The following DLEU7 variants were observed in gnomAD, a reference collection of about 807,000 sequenced individuals.
The protein encoded by DLEU7 is leukemia-associated protein 7.
Under a neutral mutation model 16.0 loss-of-function variants are expected in DLEU7, and 17 were observed. The ratio of observed to expected loss-of-function variants is 1.06; its 90% confidence interval spans 0.73 to 1.59. The LOEUF (loss-of-function observed/expected upper bound fraction) is 1.59, where lower values mean the gene tolerates loss of function less well. DLEU7 is among the 40% of genes most tolerant of loss of function. The probability of loss-of-function intolerance (pLI) is 0.00; values close to 1 mark genes in which losing one functional copy is unlikely to be tolerated. For synonymous variants in DLEU7, 113 were observed against 139.8 expected (o/e 0.81, Z 1.35); for missense variants, 308 against 314.9 (o/e 0.98, Z 0.17).
At chr13:50,739,230 T>G (rs1040885736) in intron 1 of DLEU7, among the ~76,000 whole-genome samples, 2 of 152,272 alleles carry the variant, frequency 1.3e-5, no homozygotes, top group Middle Eastern at 3.4e-3. Flanking sequence ...TTGCTTCCCT[T>G]TTTTTCTTCT....
downstream of DLEU7, among the ~76,000 whole-genome samples, chr13:50,821,732 TA>T (rs35508524): frequency 6.7e-6 from 1 of 150,290 alleles, no homozygotes; most frequent in Non-Finnish European, 1.5e-5. Flanking sequence ...TTGGGTAAGG[TA>T]AAAAAAAACA....
chr13:50,801,161 G>T (rs956489775), intron 1 of DLEU7, among the ~76,000 whole-genome samples: 2 of 152,100 alleles, frequency 1.3e-5, no homozygotes, highest in African/African-American at 4.8e-5. Flanking sequence ...AACTCGCTTA[G>T]CTAATAAAGA....
intron 1 of DLEU7, among the ~76,000 whole-genome samples, chr13:50,841,829 G>A (rs141234528): frequency 2.0e-3 from 310 of 151,842 alleles, no homozygotes; most frequent in African/African-American, 7.0e-3. Flanking sequence ...AAAAATTTTG[G>A]TGATACCAAA....
chr13:50,809,787 C>A (rs1039063580), intron 1 of DLEU7, among the ~76,000 whole-genome samples: 3 of 152,082 alleles, frequency 2.0e-5, no homozygotes, highest in African/African-American at 7.2e-5. Context: ...GAAAGTTCTC[C>A]TTAAGTGTCT....
chr13:50,812,899 T>G (rs578005809), intron 1 of DLEU7: 2 of 145,326 alleles, frequency 1.4e-5, no homozygotes, highest in South Asian at 2.2e-4. Context: ...CTCTAAAAAT[T>G]AAAACTTCTG....
chr13:50,735,446 C>T (rs1874037651), intron 1 of DLEU7, among the ~76,000 whole-genome samples: 1 of 152,076 alleles, frequency 6.6e-6, no homozygotes, highest in Non-Finnish European at 1.5e-5. Flanking sequence ...ACCAAATTCA[C>T]TCTTTGTATA....
intron 1 of DLEU7, among the ~76,000 whole-genome samples, chr13:50,823,941 C>T (rs923197177): frequency 6.6e-6 from 1 of 152,208 alleles, no homozygotes; most frequent in African/African-American, 2.4e-5. Flanking sequence ...TAATCTAATA[C>T]TTTCTGAGTA....
intron 1 of DLEU7, among the ~76,000 whole-genome samples, chr13:50,756,873 C>T (rs1022698572): frequency 2.6e-5 from 4 of 152,184 alleles, no homozygotes; most frequent in African/African-American, 9.6e-5. Context: ...GGGGACCCAG[C>T]GAGCTCCTGG....
At chr13:50,770,947 CT>C (rs890001573) in intron 1 of DLEU7, among the ~76,000 whole-genome samples, 31 of 152,256 alleles carry the variant, frequency 2.0e-4, no homozygotes, top group African/African-American at 7.5e-4. Flanking sequence ...ATTTCCGAGC[CT>C]GTTATTGGTC....
intron 1 of DLEU7, among the ~76,000 whole-genome samples, chr13:50,730,595 G>A (rs2812240): frequency 0.26 from 39,960 of 151,890 alleles, 6,662 homozygotes; most frequent in African/African-American, 0.47. Flanking sequence ...CTTGAACATA[G>A]AAGTAAAAAT....
intron 1 of DLEU7, among the ~76,000 whole-genome samples, chr13:50,732,435 C>A (rs1395866761): frequency 6.6e-6 from 1 of 151,750 alleles, no homozygotes; most frequent in Admixed American, 6.6e-5. Flanking sequence ...ATGGTGAAAC[C>A]CCATGTCTAA....
chr13:50,803,230 T>C (rs1337599174), intron 1 of DLEU7, among the ~76,000 whole-genome samples: 1 of 152,196 alleles, frequency 6.6e-6, no homozygotes, highest in African/African-American at 2.4e-5. Flanking sequence ...TAACCATCAG[T>C]GTGTGAAACG....
At chr13:50,828,451 C>A (rs1877162790) in intron 1 of DLEU7, among the ~76,000 whole-genome samples, 1 of 152,126 alleles carries the variant, frequency 6.6e-6, no homozygotes, top group Non-Finnish European at 1.5e-5. Flanking sequence ...GTTTCAAATA[C>A]TTTATACTGA....
intron 1 of DLEU7, among the ~76,000 whole-genome samples, chr13:50,792,610 CG>C (rs2083197491): frequency 6.8e-6 from 1 of 146,452 alleles, no homozygotes; most frequent in Non-Finnish European, 1.5e-5. Flanking sequence ...TATTCACTTC[CG>C]GGAACTGAAC....
chr13:50,739,228 C>CT (rs991575495), intron 1 of DLEU7, among the ~76,000 whole-genome samples: 21 of 152,082 alleles, frequency 1.4e-4, no homozygotes, highest in African/African-American at 4.8e-4. Flanking sequence ...GGTTGCTTCC[C>CT]TTTTTTTCTT....
intron 1 of DLEU7, among the ~76,000 whole-genome samples, chr13:50,792,006 T>C (rs1455578255): frequency 2.0e-5 from 3 of 152,228 alleles, no homozygotes; most frequent in Non-Finnish European, 4.4e-5. Flanking sequence ...TACATTTTTT[T>C]AGGACTGTTG....
At chr13:50,829,815 C>A (rs1368902843) in intron 1 of DLEU7, among the ~76,000 whole-genome samples, 1 of 152,194 alleles carries the variant, frequency 6.6e-6, no homozygotes, top group Non-Finnish European at 1.5e-5. Flanking sequence ...TCCAGAAGGT[C>A]TGAAGGCCAA....
At chr13:50,814,227 A>G (rs73497538) in intron 1 of DLEU7, among the ~76,000 whole-genome samples, 3,483 of 152,180 alleles carry the variant, frequency 0.023, 138 homozygotes, top group African/African-American at 0.076. Context: ...GCTCTCCTCT[A>G]CAAGGTAATC....
chr13:50,789,935 TTCTTTCTTTC>T (rs1232384383), intron 1 of DLEU7, among the ~76,000 whole-genome samples: 9 of 144,964 alleles, frequency 6.2e-5, no homozygotes, highest in African/African-American at 2.5e-4. Flanking sequence ...CTTTCTTTCT[TTCTTTCTTTC>T]TTTTTTTTTT....
Sources: gnomAD v4.1 joint callset for allele counts (sites outside exome capture counted in the v4.1 genomes callset) on GRCh38, gnomAD v4.1.1 for gene constraint, MANE v1.5 for transcripts, NCBI Gene and HGNC (gene_info 2026-07-23, HGNC 2026-07-21) for gene names.